Variants in ARSG observed in about 807,000 individuals in gnomAD.
The protein encoded by ARSG is ASG.
Under a neutral mutation model 50.5 loss-of-function variants are expected in ARSG, and 37 were observed. The observed-to-expected ratio is 0.73, with a 90% CI of 0.56 to 0.96. ARSG has a LOEUF of 0.96. ARSG is among the 50% of genes least tolerant of loss of function. The pLI is 0.00. For missense variants in ARSG, 629 were observed against 675.3 expected, an observed-to-expected ratio of 0.93 and a Z score of 0.76; for synonymous variants, 225 against 254.6, an observed-to-expected ratio of 0.88 and a Z score of 1.11.
In ARSG at chr17:68,343,729, C is replaced by T. The variant is rs752067448; in HGVS notation, c.344C>T (p.Pro115Leu). ...GCAGTCACTTCTGTGGGAGGCCTTC[C>T]GCTCAACGAGACCACCTTGGCAGAG... ...NFAVTSVGGLPLNETTLAEVL... is the reference protein window; with the variant it reads ...NFAVTSVGGLLLNETTLAEVL... Residue 115 changes from proline to leucine, a missense_variant, in exon 3 of 12, where the codon CCG becomes CTG. Pro to Leu is a moderately conservative substitution (Grantham distance 98, BLOSUM62 -3). Transcript: ENST00000621439. The T allele has an allele frequency of 1.2e-5, 19 of 1,614,054 alleles. No individual in the cohort carries two copies. Among genetic ancestry groups the T allele is most frequent in the Middle Eastern group, 1.6e-4 (1 of 6,084 alleles).
chr17:68,386,791 C>T (rs992122025), intron 9 of ARSG, among the ~76,000 whole-genome samples: 5 of 152,170 alleles, frequency 3.3e-5, no homozygotes, highest in Non-Finnish European at 5.9e-5. Context: ...CAACCAGTGG[C>T]TTCTCATCAG....
rs141431775 is a variant in ARSG at position 68,263,897 on chromosome 17, G to T, written c.-552+4471G>T. Among the ~76,000 whole-genome samples the T allele has an allele frequency of 4.4e-3, 670 of 151,594 alleles. 35 individuals are homozygous for T. The East Asian group carries it at 0.12, about 27-fold the overall frequency. Reference sequence around the variant, plus strand: ...TTTTGAGATGGAATCTTGCTCTGTCGCCCAGGCTAGGGTGCAGTGGCGTGA... The same window carrying T: ...TTTTGAGATGGAATCTTGCTCTGTCTCCCAGGCTAGGGTGCAGTGGCGTGA... On this transcript the variant is annotated intron_variant, in intron 1 of 11. Transcript: ENST00000448504.
intron 1 of ARSG, among the ~76,000 whole-genome samples, chr17:68,293,441 T>C (rs7221411): frequency 0.018 from 2,685 of 152,122 alleles, 81 homozygotes; most frequent in African/African-American, 0.061. Flanking sequence ...ATTGGAAAAA[T>C]CACATCTGAA....
intron 2 of ARSG, among the ~76,000 whole-genome samples, chr17:68,329,290 A>G (rs1277424611): frequency 1.3e-5 from 2 of 152,258 alleles, no homozygotes; most frequent in East Asian, 3.9e-4. Context: ...CTTGGGGAGG[A>G]GGGGTTTGAT....
At chr17:68,369,777 T>A (rs2079734030) in intron 7 of ARSG, among the ~76,000 whole-genome samples, 1 of 152,114 alleles carries the variant, frequency 6.6e-6, no homozygotes, top group Admixed American at 6.5e-5. Context: ...TAATAGATGC[T>A]CAATAAACAG....
chr17:68,331,151 A>AT (rs2077723254), intron 2 of ARSG, among the ~76,000 whole-genome samples: 1 of 149,504 alleles, frequency 6.7e-6, no homozygotes, highest in Non-Finnish European at 1.5e-5. Context: ...CATCCAGCTA[A>AT]TTTTTTGTAT....
upstream of ARSG, among the ~76,000 whole-genome samples, chr17:68,289,180 T>C (rs2145203976): frequency 6.6e-6 from 1 of 152,122 alleles, no homozygotes; most frequent in East Asian, 1.9e-4. Context: ...GCTGTGTCTC[T>C]ACAAAAAAAT....
chr17:68,445,744 C>T, the ARSG span, among the ~76,000 whole-genome samples: 2 of 152,188 alleles, frequency 1.3e-5, no homozygotes, highest in Admixed American at 1.3e-4. Context: ...GGGCAGACAT[C>T]GGTGCTGGTG....
the ARSG span, among the ~76,000 whole-genome samples, chr17:68,436,865 G>A: frequency 3.3e-5 from 5 of 152,176 alleles, no homozygotes; most frequent in East Asian, 1.9e-4. Context: ...ATGGTGGTGC[G>A]TGCCTATAGT....
At position 68,343,585 on chromosome 17, in the gene ARSG, C is replaced by G; in HGVS notation, c.219-19C>G. On this transcript the variant is annotated intron_variant, in intron 2 of 11. Transcript: ENST00000621439. ...TTCCTGTGGTTGGTGCGGTCCTGAC[C>G]ACTGTCCTTTCCCTGCAGGTTTGTG... 1.3e-6 allele frequency: 2 copies of G among 1,594,238 alleles called. No individual in the cohort carries two copies. The highest frequency in any genetic ancestry group is 1.7e-6 in the Non-Finnish European group (2 of 1,168,084).
chr17:68,401,946 AG>A (rs906511819), intron 11 of ARSG, among the ~76,000 whole-genome samples: 3 of 152,200 alleles, frequency 2.0e-5, no homozygotes, highest in African/African-American at 7.2e-5. Flanking sequence ...GATGGTCCTC[AG>A]GGTCTTCCAA....
intron 1 of ARSG, among the ~76,000 whole-genome samples, chr17:68,278,579 C>A (rs1555751803): frequency 6.6e-6 from 1 of 151,470 alleles, no homozygotes; most frequent in Non-Finnish European, 1.5e-5. Flanking sequence ...GGACTACAGG[C>A]ATGTGCCACC....
chr17:68,349,342 T>C (rs1217924816), intron 4 of ARSG, among the ~76,000 whole-genome samples: 2 of 152,158 alleles, frequency 1.3e-5, no homozygotes, highest in East Asian at 1.9e-4. Flanking sequence ...CAGTCATTTG[T>C]GTACATATTG....
chr17:68,303,586 C>T (rs1555762798), intron 1 of ARSG, among the ~76,000 whole-genome samples: 1 of 152,096 alleles, frequency 6.6e-6, no homozygotes, highest in African/African-American at 2.4e-5. Context: ...GCAGCTGGGA[C>T]TACAGGTGCA....
Position 68,378,744 on chromosome 17 carries a change from C to T in ARSG, c.983-6320C>T, listed in dbSNP as rs1244272308. Among the ~76,000 whole-genome samples the T allele has an allele frequency of 6.6e-6, 1 of 152,192 alleles. No individual in the cohort carries two copies. The highest frequency in any genetic ancestry group is 1.9e-4 in the East Asian group (1 of 5,192). ...CTCCTCTGTCTGGAAAATCTTTTCTCGTTTTATTTGAAGAGCAGAACTGTT... is the reference window on the plus strand; with the variant it reads ...CTCCTCTGTCTGGAAAATCTTTTCTTGTTTTATTTGAAGAGCAGAACTGTT... On this transcript the variant is annotated intron_variant, in intron 8 of 11. Transcript: ENST00000621439. The surrounding 1 kb of genome is among the most constrained non-coding windows in gnomAD (Gnocchi z 4.4).
rs746850638 is a variant in ARSG at position 68,368,714 on chromosome 17, G to C, written c.871G>C (p.Val291Leu). The C allele has an allele frequency of 6.2e-7, 1 of 1,613,688 alleles. No individual in the cohort carries two copies. Among genetic ancestry groups the C allele is most frequent in the Non-Finnish European group, 8.5e-7 (1 of 1,179,900 alleles). ...GQIKDKVDHT[V>L]KENTFLWFTG... ...GATCAAGGACAAAGTTGACCACACA[G>C]TGAAGGAAAACACATTCCTCTGGTT... Residue 291 changes from valine (V) to leucine (L), a missense_variant, in exon 7 of 12, where the codon GTG becomes CTG. Physicochemically the swap from Val to Leu is conservative, Grantham distance 32. Transcript: ENST00000621439.
chr17:68,378,160 C>T lies in ARSG; in HGVS notation c.983-6904C>T, dbSNP rs1262131110. Among the ~76,000 whole-genome samples the T allele has an allele frequency of 6.6e-6, 1 of 152,208 alleles. No individual in the cohort carries two copies. Among genetic ancestry groups the T allele is most frequent in the Non-Finnish European group, 1.5e-5 (1 of 68,044 alleles). ...GCTGGGGTCCCTCTGGTCACCTGCT[C>T]CTCTTCACCCAGTTCCCCATCAGTG... On this transcript the variant is annotated intron_variant, in intron 8 of 11. Coordinates refer to ENST00000621439, the MANE Select transcript of ARSG (RefSeq NM_001267727.2). This position sits in a 1 kb window ranked among gnomAD's most constrained non-coding sequence, Gnocchi z 4.4.
chr17:68,321,559 T>C (rs572635813), intron 2 of ARSG, among the ~76,000 whole-genome samples: 64 of 152,324 alleles, frequency 4.2e-4, no homozygotes, highest in Non-Finnish European at 8.1e-4. Flanking sequence ...CCAGTCAGAG[T>C]TGCCACAGAA....
At chr17:68,349,496 T>G (rs771595061) in intron 4 of ARSG, among the ~76,000 whole-genome samples, 11 of 152,200 alleles carry the variant, frequency 7.2e-5, no homozygotes, top group Non-Finnish European at 1.5e-5. Flanking sequence ...TGATACCAGA[T>G]GCAGTAGCAT....
Sources: allele counts gnomAD v4.1 joint callset (sites outside exome capture counted in the v4.1 genomes callset), GRCh38; gene constraint gnomAD v4.1.1; non-coding constraint Gnocchi (gnomAD v3.1); transcripts MANE v1.5; gene names NCBI Gene and HGNC (gene_info 2026-07-23, HGNC 2026-07-21).